Variants in RAD54L2 observed in about 807,000 individuals in gnomAD.
RAD54L2 encodes the protein helicase ARIP4.
RAD54L2 carries 27 observed loss-of-function variants against 138.4 expected under a neutral mutation model. The observed-to-expected ratio is 0.20, with a 90% CI of 0.14 to 0.27. The LOEUF (loss-of-function observed/expected upper bound fraction) is 0.27, where lower values mean the gene tolerates loss of function less well. Ranked by LOEUF, RAD54L2 falls within the 10% of genes least tolerant of loss-of-function variation. RAD54L2 has a pLI of 1.00. For synonymous variants in RAD54L2, 644 were observed against 723.2 expected (o/e 0.89, Z 1.76); for missense variants, 1,396 against 1,890.2 (o/e 0.74, Z 4.85).
At chr3:51,603,614 TAAA>T (rs1700121778) in intron 3 of RAD54L2, among the ~76,000 whole-genome samples, 1 of 151,822 alleles carries the variant, frequency 6.6e-6, no homozygotes, top group African/African-American at 2.4e-5. Context: ...TCAAAATAAA[TAAA>T]TAAATAAATA....
At chr3:51,544,324 A>C (rs1231607075) in intron 2 of RAD54L2, among the ~76,000 whole-genome samples, 1 of 152,198 alleles carries the variant, frequency 6.6e-6, no homozygotes, top group Non-Finnish European at 1.5e-5. Context: ...TTGTTTTTCC[A>C]GGTTGCTAAA....
chr3:51,553,948 G>GT (rs1186130732), intron 2 of RAD54L2, among the ~76,000 whole-genome samples: 1 of 152,250 alleles, frequency 6.6e-6, no homozygotes, highest in African/African-American at 2.4e-5. Context: ...GCCAAAAAAT[G>GT]TTAACAATCA....
intron 3 of RAD54L2, among the ~76,000 whole-genome samples, chr3:51,614,429 G>T (rs544826203): frequency 6.6e-6 from 1 of 151,998 alleles, no homozygotes; most frequent in Admixed American, 6.6e-5. Context: ...CTCCCAAAGC[G>T]CTGGGATTAC....
chr3:51,622,650 T>G (rs1700592208), intron 3 of RAD54L2, among the ~76,000 whole-genome samples: 1 of 152,104 alleles, frequency 6.6e-6, no homozygotes, highest in Non-Finnish European at 1.5e-5. Flanking sequence ...GTAATCACAT[T>G]AGTCTCCCAT....
chr3:51,612,691 TAAAAA>T (rs11299726), intron 3 of RAD54L2, among the ~76,000 whole-genome samples: 2 of 141,836 alleles, frequency 1.4e-5, no homozygotes, highest in South Asian at 2.3e-4. Flanking sequence ...GTCTTTGTTG[TAAAAA>T]AAAAAAAAAA....
chr3:51,661,907 C>G lies in RAD54L2; in HGVS notation c.3410-519C>G, dbSNP rs546228620. 1.8e-4 allele frequency among the ~76,000 whole-genome samples: 27 copies of G among 152,188 alleles called. 1 individual carries two copies. The South Asian group carries it at 5.2e-3, about 29-fold the overall frequency. On this transcript the variant is annotated intron_variant, in intron 22 of 22. Transcript: ENST00000684192. ...TGCTAAGATTAAAGATATTCTGTTCCTAGCCACAATATCATTATTACACTA... is the reference window on the plus strand; with the variant it reads ...TGCTAAGATTAAAGATATTCTGTTCGTAGCCACAATATCATTATTACACTA...
chr3:51,538,895 C>A lies in RAD54L2; in HGVS notation c.-137C>A, dbSNP rs765949177. ...CTCGGCCCTGCGCGGTCCGGCGCGG[C>A]CCGGAGCCGCGGCGCAGGAGGTGAG... On this transcript the variant is annotated 5_prime_UTR_variant, in exon 1 of 23. Coordinates refer to ENST00000684192, the MANE Select transcript of RAD54L2 (RefSeq NM_015106.4). Among the ~76,000 whole-genome samples the A allele has an allele frequency of 3.9e-5, 6 of 152,028 alleles. No individual in the cohort carries two copies. The highest frequency in any genetic ancestry group is 5.9e-5 in the Non-Finnish European group (4 of 67,958).
At position 51,568,819 on chromosome 3, in the gene RAD54L2, AT is replaced by A. The variant is rs531795435; in HGVS notation, c.-54-21543del. On this transcript the variant is annotated intron_variant, in intron 2 of 22. Transcript: ENST00000684192. ...GGTGGGGAATGTAGTGCTATCTTTC[AT>A]TTTTGTATTAGGGATATAATTTTAT... Among the ~76,000 whole-genome samples, 5 of 152,248 alleles carry A rather than the reference AT, an allele frequency of 3.3e-5. No homozygotes were observed. In the South Asian group the frequency reaches 8.3e-4, roughly 25 times the overall value.
Position 51,630,648 on chromosome 3 carries a change from G to A in RAD54L2, c.599-57G>A, listed in dbSNP as rs1577440193. On this transcript the variant is annotated intron_variant, in intron 6 of 22. Transcript: ENST00000684192. Reference sequence around the variant, plus strand: ...CTGTAGTCTTCTGCTCTGACTGTGTGCAGTAAATTATCTTCACTCCCTGGA... The same window carrying A: ...CTGTAGTCTTCTGCTCTGACTGTGTACAGTAAATTATCTTCACTCCCTGGA... 7 of 1,370,168 alleles carry A rather than the reference G, an allele frequency of 5.1e-6. No individual in the cohort carries two copies. In the South Asian group the frequency reaches 7.3e-5, roughly 14 times the overall value. The allele number at this position is 1,370,168 out of a possible 1,614,324, so 84.9% of individuals were successfully genotyped here.
intron 2 of RAD54L2, among the ~76,000 whole-genome samples, chr3:51,584,177 TA>T (rs1699665347): frequency 6.6e-6 from 1 of 152,180 alleles, no homozygotes; most frequent in Non-Finnish European, 1.5e-5. Context: ...AACATGTCTT[TA>T]GTGCTATGCT....
At chr3:51,594,011 C>G (rs550322263) in intron 3 of RAD54L2, among the ~76,000 whole-genome samples, 4 of 151,574 alleles carry the variant, frequency 2.6e-5, no homozygotes, top group African/African-American at 7.2e-5. Flanking sequence ...CTCCATCCCC[C>G]CATAAGCATT....
intron 2 of RAD54L2, among the ~76,000 whole-genome samples, chr3:51,573,148 CAGAG>C (rs1266780450): frequency 6.6e-6 from 1 of 152,102 alleles, no homozygotes; most frequent in Admixed American, 6.6e-5. Flanking sequence ...CGTCCATACA[CAGAG>C]GGAGGGCAAG....
rs754436755 is a variant in RAD54L2, at chr3:51,666,780, G to C, written c.*3360G>C. The stretch of plus-strand genomic sequence containing the variant: ...CATCTCCTGATTTAAGGATAATTCT[G>C]TCTGGTCCTTGGAGCTCTCTTCCCT... On this transcript the variant is annotated 3_prime_UTR_variant, in exon 23 of 23. Coordinates refer to ENST00000684192, the MANE Select transcript of RAD54L2 (RefSeq NM_015106.4). 3.9e-5 allele frequency: 6 copies of C among 152,092 alleles called. No homozygotes were observed. Among genetic ancestry groups the C allele is most frequent in the Non-Finnish European group, 5.9e-5 (4 of 68,024 alleles). 9.4% of individuals were successfully genotyped at this position (152,092 alleles called of 1,614,324 possible).
Position 51,639,761 on chromosome 3 carries a change from T to C in RAD54L2, c.2112+91T>C, listed in dbSNP as rs146496355. The C allele has an allele frequency of 8.3e-5, 128 of 1,543,280 alleles. 2 individuals are homozygous for C. The African/African-American group carries it at 1.4e-3, about 17-fold the overall frequency. Reference sequence around the variant, plus strand: ...TGGGGAAGGGGTAGGGATGCATGGCTAGGGTCTCTGTATGGAATTATAAAG... The same window carrying C: ...TGGGGAAGGGGTAGGGATGCATGGCCAGGGTCTCTGTATGGAATTATAAAG... On this transcript the variant is annotated intron_variant, in intron 13 of 22. Coordinates refer to ENST00000684192, the MANE Select transcript of RAD54L2 (RefSeq NM_015106.4).
chr3:51,561,837 G>C (rs927241774), intron 2 of RAD54L2, among the ~76,000 whole-genome samples: 22 of 151,952 alleles, frequency 1.4e-4, no homozygotes, highest in Admixed American at 5.2e-4. Flanking sequence ...TTACAGGTGT[G>C]GGTCATCACG....
chr3:51,574,365 A>G (rs1188756295), intron 2 of RAD54L2, among the ~76,000 whole-genome samples: 1 of 152,198 alleles, frequency 6.6e-6, no homozygotes, highest in African/African-American at 2.4e-5. Context: ...ATACCCAGTA[A>G]TGGGATGGCC....
At chr3:51,588,818 A>G (rs1699771703) in intron 2 of RAD54L2, among the ~76,000 whole-genome samples, 1 of 152,194 alleles carries the variant, frequency 6.6e-6, no homozygotes, top group Non-Finnish European at 1.5e-5. Flanking sequence ...TGAATGAATG[A>G]ATAACTTGGG....
At chr3:51,577,442 G>T (rs994638981) in intron 2 of RAD54L2, among the ~76,000 whole-genome samples, 3 of 152,110 alleles carry the variant, frequency 2.0e-5, no homozygotes, top group African/African-American at 7.2e-5. Flanking sequence ...GTTGACAGTG[G>T]GGTGTTAAAA....
chr3:51,561,536 C>T (rs964293370), intron 2 of RAD54L2, among the ~76,000 whole-genome samples: 4 of 151,866 alleles, frequency 2.6e-5, no homozygotes, highest in East Asian at 1.9e-4. Context: ...TGAGCCACCA[C>T]GCCCGGCCGA....
Sources: gnomAD v4.1 joint callset for allele counts (sites outside exome capture counted in the v4.1 genomes callset) on GRCh38, gnomAD v4.1.1 for gene constraint, MANE v1.5 for transcripts, NCBI Gene and HGNC (gene_info 2026-07-23, HGNC 2026-07-21) for gene names.